The following WDR70 variants were observed in gnomAD, a reference collection of about 807,000 sequenced individuals.
The protein encoded by WDR70 is WD repeat-containing protein 70.
WDR70 carries 53 observed loss-of-function variants against 88.6 expected under a neutral mutation model. The observed-to-expected ratio is 0.60, with a 90% CI of 0.48 to 0.75. The LOEUF (loss-of-function observed/expected upper bound fraction) is 0.75, where lower values mean the gene tolerates loss of function less well. WDR70 is among the 30% of genes least tolerant of loss of function. The pLI, the probability that WDR70 is intolerant of heterozygous loss-of-function variation, is 0.00. For missense variants in WDR70, 610 were observed against 823.2 expected (o/e 0.74, Z 3.17); for synonymous variants, 280 against 270.0 (o/e 1.04, Z -0.36).
chr5:37,478,555 G>A (rs913193556), intron 7 of WDR70, among the ~76,000 whole-genome samples: 2 of 152,386 alleles, frequency 1.3e-5, no homozygotes, highest in Non-Finnish European at 2.9e-5. Context: ...ATCCCTGTGA[G>A]AGAGGGTACA....
chr5:37,740,428 T>C (rs1748440712), intron 17 of WDR70, among the ~76,000 whole-genome samples: 1 of 152,250 alleles, frequency 6.6e-6, no homozygotes, highest in Non-Finnish European at 1.5e-5. Context: ...AAAACACTGG[T>C]GTTCCTTAGG....
At chr5:37,636,565 C>T (rs1364351583) in intron 10 of WDR70, among the ~76,000 whole-genome samples, 1 of 152,142 alleles carries the variant, frequency 6.6e-6, no homozygotes, top group African/African-American at 2.4e-5. Flanking sequence ...TTAACAGAGA[C>T]ATTAAAGATA....
chr5:37,532,779 T>G (rs996219325), intron 9 of WDR70, among the ~76,000 whole-genome samples: 6 of 152,318 alleles, frequency 3.9e-5, no homozygotes, highest in African/African-American at 1.4e-4. Context: ...ATATTTCATT[T>G]TCATTTAGAT....
At chr5:37,698,134 A>G (rs1315688089) in intron 11 of WDR70, among the ~76,000 whole-genome samples, 3 of 151,932 alleles carry the variant, frequency 2.0e-5, no homozygotes, top group African/African-American at 7.2e-5. Context: ...TTGTTGCTTG[A>G]CCATTGCTTT....
intron 7 of WDR70, among the ~76,000 whole-genome samples, chr5:37,450,262 T>C (rs1460633843): frequency 6.6e-6 from 1 of 152,176 alleles, no homozygotes; most frequent in Non-Finnish European, 1.5e-5. Flanking sequence ...GGTATACACC[T>C]AGTAATGGGA....
At chr5:37,677,996 T>C (rs1746291708) in intron 10 of WDR70, among the ~76,000 whole-genome samples, 1 of 152,206 alleles carries the variant, frequency 6.6e-6, no homozygotes, top group African/African-American at 2.4e-5. Context: ...TGGCCTTCTT[T>C]GTCTCTTTTG....
intron 10 of WDR70, among the ~76,000 whole-genome samples, chr5:37,612,456 G>A (rs940517398): frequency 6.6e-6 from 1 of 152,006 alleles, no homozygotes; most frequent in African/African-American, 2.4e-5. Context: ...CAAAATGAGG[G>A]CATGATCCCC....
chr5:37,417,359 G>T (rs574058755), intron 5 of WDR70, among the ~76,000 whole-genome samples: 1 of 151,942 alleles, frequency 6.6e-6, no homozygotes, highest in African/African-American at 2.4e-5. Flanking sequence ...CTAGTAGCTG[G>T]AACTACAGGT....
At chr5:37,439,253 C>G (rs1750578022) in intron 6 of WDR70, among the ~76,000 whole-genome samples, 1 of 152,076 alleles carries the variant, frequency 6.6e-6, no homozygotes, top group Admixed American at 6.6e-5. Flanking sequence ...TGTAAAGAGT[C>G]TTGAAATGAA....
rs745812212 is a variant in WDR70, at chr5:37,501,793, T to C, written c.841-14721T>C. Among the ~76,000 whole-genome samples the C allele has an allele frequency of 8.5e-5, 13 of 152,160 alleles. 1 individual carries two copies. The highest frequency in any genetic ancestry group is 1.5e-4 in the Non-Finnish European group (10 of 68,012). The stretch of plus-strand genomic sequence containing the variant: ...TCCTGGGTTCTCTATTCTGTTCTGT[T>C]GGTCTGCATATCTACTTTTATACCA... On this transcript the variant is annotated intron_variant, in intron 8 of 17. Coordinates refer to ENST00000265107, the MANE Select transcript of WDR70 (RefSeq NM_018034.4).
chr5:37,606,665 G>A (rs1002164478), intron 10 of WDR70, among the ~76,000 whole-genome samples: 17 of 152,194 alleles, frequency 1.1e-4, no homozygotes, highest in African/African-American at 4.1e-4. Flanking sequence ...ATCTCTTAAA[G>A]CCATTCAGCT....
intron 10 of WDR70, among the ~76,000 whole-genome samples, chr5:37,694,696 G>T (rs1000019951): frequency 6.6e-6 from 1 of 151,896 alleles, no homozygotes; most frequent in Non-Finnish European, 1.5e-5. Context: ...GGGCCTGTTG[G>T]GGGGTGTGGG....
At chr5:37,558,825 T>C (rs1742396049) in intron 9 of WDR70, among the ~76,000 whole-genome samples, 1 of 152,166 alleles carries the variant, frequency 6.6e-6, no homozygotes, top group South Asian at 2.1e-4. Context: ...AGTTTTGTTG[T>C]CCTTTTCTTA....
At chr5:37,537,486 G>A (rs1172724277) in intron 9 of WDR70, among the ~76,000 whole-genome samples, 1 of 152,010 alleles carries the variant, frequency 6.6e-6, no homozygotes, top group South Asian at 2.1e-4. Flanking sequence ...AATAATGACC[G>A]CTACTACTCC....
intron 11 of WDR70, among the ~76,000 whole-genome samples, chr5:37,699,394 T>TACACACACAC (rs1491413872): frequency 5.5e-3 from 24 of 4,398 alleles, no homozygotes; most frequent in South Asian, 0.019. Flanking sequence ...TATGTGTGTA[T>TACACACACAC]ATATATATAC....
intron 7 of WDR70, among the ~76,000 whole-genome samples, chr5:37,475,487 C>T (rs1739452974): frequency 6.6e-6 from 1 of 152,184 alleles, no homozygotes; most frequent in Non-Finnish European, 1.5e-5. Flanking sequence ...ATCCAGCTGC[C>T]TTGGCCTCCC....
chr5:37,418,985 G>A (rs1176113134), intron 5 of WDR70, among the ~76,000 whole-genome samples: 1 of 151,666 alleles, frequency 6.6e-6, no homozygotes, highest in East Asian at 2.0e-4. Context: ...GCTGGTCTCC[G>A]ACTTCTGGCC....
At chr5:37,646,367 C>T (rs1259820415) in intron 10 of WDR70, among the ~76,000 whole-genome samples, 2 of 151,918 alleles carry the variant, frequency 1.3e-5, no homozygotes, top group Non-Finnish European at 2.9e-5. Flanking sequence ...TTTTGATGGG[C>T]TCATCTTTTG....
In WDR70 at chr5:37,552,800, A is replaced by G. The variant is rs180992631; in HGVS notation, c.917+36210A>G. Among the ~76,000 whole-genome samples the G allele has an allele frequency of 2.9e-3, 437 of 152,320 alleles. 4 individuals are homozygous for G. Among genetic ancestry groups the G allele is most frequent in the Non-Finnish European group, 2.8e-3 (191 of 68,032 alleles). On this transcript the variant is annotated intron_variant, in intron 9 of 17. Coordinates refer to ENST00000265107, the MANE Select transcript of WDR70 (RefSeq NM_018034.4). ...CTGAATGCACAGAGATAAAAACAAC[A>G]TGGTCCTTACTCTCCAGGGTGCTTT...
Sources: allele counts gnomAD v4.1 joint callset (sites outside exome capture counted in the v4.1 genomes callset), GRCh38; gene constraint gnomAD v4.1.1; transcripts MANE v1.5; gene names NCBI Gene and HGNC (gene_info 2026-07-23, HGNC 2026-07-21).